Variants in PARD3 observed in about 807,000 individuals in gnomAD.
PARD3 encodes the protein par-3 family cell polarity regulator, also known as partitioning defective 3 homolog.
A neutral mutation model predicts 155.4 loss-of-function variants in PARD3; 75 were observed. The observed-to-expected ratio is 0.48, with a 90% CI of 0.40 to 0.58. The LOEUF is 0.58. Among genes scored for constraint, PARD3 ranks in the 20% least tolerant of loss-of-function variants. The pLI is 0.00. For synonymous variants in PARD3, 576 were observed against 610.5 expected (o/e 0.94, Z 0.83); for missense variants, 1,642 against 1,721.7 (o/e 0.95, Z 0.82).
chr10:34,568,721 A>G (rs373337119), intron 2 of PARD3, among the ~76,000 whole-genome samples: 1 of 152,196 alleles, frequency 6.6e-6, no homozygotes, highest in Non-Finnish European at 1.5e-5. Flanking sequence ...AAGAAGAGCT[A>G]AAGTCCTGCT....
chr10:34,206,208 A>G (rs1028056389), intron 22 of PARD3, among the ~76,000 whole-genome samples: 3 of 152,190 alleles, frequency 2.0e-5, no homozygotes, highest in Non-Finnish European at 4.4e-5. Context: ...GAGGAACAAG[A>G]ACAGTGGCAG....
intron 1 of PARD3, among the ~76,000 whole-genome samples, chr10:34,722,361 G>T (rs113950363): frequency 1.3e-5 from 2 of 152,012 alleles, no homozygotes; most frequent in African/African-American, 4.8e-5. Flanking sequence ...AGTGGTTATC[G>T]CCTGTACAGA....
At chr10:34,121,751 C>T (rs1341023021) in intron 23 of PARD3, among the ~76,000 whole-genome samples, 4 of 152,150 alleles carry the variant, frequency 2.6e-5, no homozygotes, top group Admixed American at 6.5e-5. Flanking sequence ...AAAAATATCC[C>T]GATACAAAAA....
intron 22 of PARD3, among the ~76,000 whole-genome samples, chr10:34,253,377 C>T (rs1478492000): frequency 6.6e-6 from 1 of 152,172 alleles, no homozygotes; most frequent in Non-Finnish European, 1.5e-5. Context: ...TCATGAATGG[C>T]CAAACCAAGA....
chr10:34,542,234 T>TGTGTGTGTGTGCAC (rs143582528), intron 2 of PARD3, among the ~76,000 whole-genome samples: 5,419 of 146,248 alleles, frequency 0.037, 181 homozygotes, highest in East Asian at 0.052. Context: ...TGTGTGTGTG[T>TGTGTGTGTGTGCAC]GTGTGCACAC....
At chr10:34,261,749 G>A (rs1446547657) in intron 22 of PARD3, among the ~76,000 whole-genome samples, 60 of 76,992 alleles carry the variant, frequency 7.8e-4, no homozygotes, top group African/African-American at 2.5e-3. Flanking sequence ...AGGAAGAAAG[G>A]AAGGAAGAAA....
At chr10:34,684,794 C>T (rs1365111010) in intron 2 of PARD3, among the ~76,000 whole-genome samples, 1 of 112,062 alleles carries the variant, frequency 8.9e-6, no homozygotes, top group African/African-American at 3.8e-5. Context: ...CACACACACA[C>T]ACACACACAC....
chr10:34,610,364 C>A (rs751851289), intron 2 of PARD3, among the ~76,000 whole-genome samples: 2 of 152,090 alleles, frequency 1.3e-5, no homozygotes, highest in African/African-American at 4.8e-5. Flanking sequence ...AAAACTGTCA[C>A]TACATTCTGT....
chr10:34,679,869 T>G (rs965458389), intron 2 of PARD3, among the ~76,000 whole-genome samples: 17 of 151,964 alleles, frequency 1.1e-4, no homozygotes, highest in Non-Finnish European at 1.0e-4. Context: ...CACTTACAAG[T>G]GGAAGCCAAA....
At chr10:34,619,201 C>T (rs1490866355) in intron 2 of PARD3, among the ~76,000 whole-genome samples, 3 of 152,042 alleles carry the variant, frequency 2.0e-5, no homozygotes, top group African/African-American at 7.2e-5. Context: ...CAGGCATGCA[C>T]CACCACGCCT....
intron 11 of PARD3, among the ~76,000 whole-genome samples, chr10:34,373,069 T>C (rs1167261741): frequency 6.6e-6 from 1 of 152,048 alleles, no homozygotes; most frequent in Non-Finnish European, 1.5e-5. Context: ...AGGCACCGAT[T>C]GATAAAAGTA....
chr10:34,443,109 C>T (rs1333310215), intron 5 of PARD3, among the ~76,000 whole-genome samples: 1 of 152,036 alleles, frequency 6.6e-6, no homozygotes, highest in Non-Finnish European at 1.5e-5. Context: ...GGTTGATCAT[C>T]CCAGACACCC....
At chr10:34,696,079 A>T (rs905699939) in intron 2 of PARD3, among the ~76,000 whole-genome samples, 1 of 152,186 alleles carries the variant, frequency 6.6e-6, no homozygotes, top group African/African-American at 2.4e-5. Context: ...GTAAAAGTGT[A>T]GTTTTAAAAC....
At chr10:34,804,996 CT>C (rs1386153971) in intron 1 of PARD3, among the ~76,000 whole-genome samples, 2 of 152,152 alleles carry the variant, frequency 1.3e-5, no homozygotes, top group African/African-American at 4.8e-5. Context: ...CTCAAAGAGG[CT>C]TTTTGAAATA....
At chr10:34,565,711 A>T (rs184795803) in intron 2 of PARD3, among the ~76,000 whole-genome samples, 1 of 152,042 alleles carries the variant, frequency 6.6e-6, no homozygotes, top group Non-Finnish European at 1.5e-5. Context: ...TCTTTATGGC[A>T]TTCACTTTTC....
chr10:34,502,772 A>AAAACAAT (rs2133445327), intron 3 of PARD3, among the ~76,000 whole-genome samples: 1 of 152,282 alleles, frequency 6.6e-6, no homozygotes, highest in East Asian at 1.9e-4. Flanking sequence ...ACAAAAACAA[A>AAAACAAT]AAACAACAAC....
In PARD3 at chr10:34,718,879, T is replaced by C. The variant is rs559191074; in HGVS notation, c.121-22460A>G. Among the ~76,000 whole-genome samples, 19 of 152,026 alleles carry C rather than the reference T, an allele frequency of 1.2e-4. No homozygotes were observed. The South Asian group carries it at 3.9e-3, about 32-fold the overall frequency. ...TTGGGAGGCAGAGGCAGGAGAATTG[T>C]TTGAACCCGGAAGGAGCAGGTTGCA... On this transcript the variant is annotated intron_variant, in intron 1 of 24. Transcript: ENST00000374788.
chr10:34,557,468 T>A (rs573526065), intron 2 of PARD3, among the ~76,000 whole-genome samples: 4 of 151,424 alleles, frequency 2.6e-5, no homozygotes, highest in South Asian at 4.3e-4. Flanking sequence ...GAGAGTCCCA[T>A]CCCTACTGTT....
intron 14 of PARD3, among the ~76,000 whole-genome samples, chr10:34,351,519 G>C (rs948119921): frequency 2.6e-5 from 4 of 152,194 alleles, no homozygotes; most frequent in Non-Finnish European, 5.9e-5. Context: ...TGAAAACACA[G>C]ATTTTAGTTT....
Sources: gnomAD v4.1 joint callset for allele counts (sites outside exome capture counted in the v4.1 genomes callset) on GRCh38, gnomAD v4.1.1 for gene constraint, MANE v1.5 for transcripts, NCBI Gene and HGNC (gene_info 2026-07-23, HGNC 2026-07-21) for gene names.